CSNK1G1: variants seen among roughly 807,000 people sequenced by gnomAD.
The protein encoded by CSNK1G1 is casein kinase I isoform gamma-1.
In CSNK1G1, 22 loss-of-function variants were observed where a neutral mutation model predicts 59.6. The observed-to-expected ratio is 0.37, with a 90% CI of 0.26 to 0.53. CSNK1G1 has a LOEUF of 0.53. Ranked by LOEUF, CSNK1G1 falls within the 20% of genes least tolerant of loss-of-function variation. The pLI, the probability that CSNK1G1 is intolerant of heterozygous loss-of-function variation, is 0.89. For missense variants in CSNK1G1, 384 were observed against 519.5 expected (o/e 0.74, Z 2.54); for synonymous variants, 179 against 177.1 (o/e 1.01, Z -0.08).
At chr15:64,295,979 T>C (rs574415027) in intron 2 of CSNK1G1, among the ~76,000 whole-genome samples, 1 of 152,354 alleles carries the variant, frequency 6.6e-6, no homozygotes, top group East Asian at 1.9e-4. Context: ...TGCTGGGCAC[T>C]TGCACAGTAT....
rs1490790282 is a variant in CSNK1G1 at position 64,214,220 on chromosome 15, G to T, written c.445-96C>A. On this transcript the variant is annotated intron_variant, in intron 5 of 11. Transcript: ENST00000303052. The surrounding 1 kb of genome is among the most constrained non-coding windows in gnomAD (Gnocchi z 4.3). ...TAGCCAGACCAAGGTTTTAATTATT[G>T]AAATAACAGTAAAATTCATCTCCTT... 1.7e-5 allele frequency: 15 copies of T among 882,260 alleles called. No homozygotes were observed. The highest frequency in any genetic ancestry group is 2.7e-5 in the Non-Finnish European group (15 of 545,908). The allele number at this position is 882,260 out of a possible 1,614,324, so 54.7% of individuals were successfully genotyped here.
chr15:64,283,436 G>A (rs146996788), intron 2 of CSNK1G1, among the ~76,000 whole-genome samples: 122 of 151,662 alleles, frequency 8.0e-4, no homozygotes, highest in Non-Finnish European at 1.1e-3. Flanking sequence ...TCTGCCTCCC[G>A]GGTTCATGCA....
intron 2 of CSNK1G1, among the ~76,000 whole-genome samples, chr15:64,290,106 T>C (rs1387497098): frequency 1.3e-5 from 2 of 152,172 alleles, no homozygotes; most frequent in Non-Finnish European, 2.9e-5. Context: ...TTATACACTG[T>C]TGGCGGGAAT....
intron 1 of CSNK1G1, among the ~76,000 whole-genome samples, chr15:64,318,054 A>G (rs962232859): frequency 6.6e-6 from 1 of 152,102 alleles, no homozygotes; most frequent in Non-Finnish European, 1.5e-5. Context: ...ACCTTATCCA[A>G]CTTAGGTGGG....
At chr15:64,277,804 A>C (rs1566930347) in intron 2 of CSNK1G1, among the ~76,000 whole-genome samples, 1 of 134,648 alleles carries the variant, frequency 7.4e-6, no homozygotes, top group East Asian at 2.1e-4. Flanking sequence ...GATATATTTA[A>C]TATATTAATA....
At chr15:64,204,712 C>A (rs1217367539) in intron 8 of CSNK1G1, 123 bp from the exon 9 acceptor site, 1 of 1,248,894 alleles carries the variant, frequency 8.0e-7, no homozygotes, top group South Asian at 1.3e-5. Flanking sequence ...GTTTTCTTTA[C>A]TGACAAAATA....
intron 1 of CSNK1G1, among the ~76,000 whole-genome samples, chr15:64,345,529 A>G (rs564624131): frequency 2.0e-5 from 3 of 152,320 alleles, no homozygotes; most frequent in Non-Finnish European, 4.4e-5. Flanking sequence ...GCCCCTTTAC[A>G]ACCTGAAACA....
chr15:64,312,640 G>A (rs1415035418), intron 1 of CSNK1G1, among the ~76,000 whole-genome samples: 2 of 152,070 alleles, frequency 1.3e-5, no homozygotes, highest in African/African-American at 4.8e-5. Flanking sequence ...AAGACCTAAA[G>A]CCATAAAAAT....
chr15:64,265,998 T>C (rs1383249154), intron 2 of CSNK1G1: 2 of 323,640 alleles, frequency 6.2e-6, no homozygotes, highest in African/African-American at 4.3e-5. Context: ...ATGGGAAGAA[T>C]GTTTGAGTCT....
intron 10 of CSNK1G1, among the ~76,000 whole-genome samples, chr15:64,192,678 G>T (rs954857931): frequency 1.3e-5 from 2 of 151,556 alleles, no homozygotes; most frequent in Non-Finnish European, 2.9e-5. Flanking sequence ...CGCCAACATG[G>T]TGAGACCCTG....
Position 64,259,259 on chromosome 15 carries a change from T to G in CSNK1G1, c.182-18A>C, listed in dbSNP as rs993296525. ...ATTTTTACCTAAGAGGAAAGCAGAA[T>G]GTATATGTTTTAGTGACATTTATTC... is the stretch of plus-strand genomic sequence containing the variant. On this transcript the variant is annotated intron_variant, in intron 2 of 11. Coordinates refer to ENST00000303052, the MANE Select transcript of CSNK1G1 (RefSeq NM_022048.5). The G allele has an allele frequency of 1.3e-6, 2 of 1,572,378 alleles. No homozygotes were observed. The highest frequency in any genetic ancestry group is 1.7e-6 in the Non-Finnish European group (2 of 1,152,758).
At chr15:64,308,591 T>C (rs1282865663) in intron 1 of CSNK1G1, among the ~76,000 whole-genome samples, 3 of 152,048 alleles carry the variant, frequency 2.0e-5, no homozygotes, top group Non-Finnish European at 2.9e-5. Flanking sequence ...TCTTCCGACT[T>C]CCTTTAGGAT....
chr15:64,213,313 C>G (rs926922834), intron 6 of CSNK1G1, among the ~76,000 whole-genome samples: 2 of 152,132 alleles, frequency 1.3e-5, no homozygotes, highest in Admixed American at 6.6e-5. Flanking sequence ...ATACTCTCCC[C>G]CTTGGGCTAG....
In CSNK1G1 at chr15:64,224,726, C is replaced by A. The variant is rs573468257; in HGVS notation, c.293-8013G>T. ...ATCTTGTTTAAAGGCCTCCTGGGAACTGGAATACTGCCAAACATAGGCTGC... is the reference window on the plus strand; with the variant it reads ...ATCTTGTTTAAAGGCCTCCTGGGAAATGGAATACTGCCAAACATAGGCTGC... On this transcript the variant is annotated intron_variant, in intron 4 of 11. Transcript: ENST00000303052. Among the ~76,000 whole-genome samples, 57 of 152,282 alleles carry A rather than the reference C, an allele frequency of 3.7e-4. 1 individual carries two copies. The highest frequency in any genetic ancestry group is 3.0e-3 in the Admixed American group (46 of 15,288).
At chr15:64,346,630 G>A (rs1057395195) in intron 1 of CSNK1G1, among the ~76,000 whole-genome samples, 2 of 151,612 alleles carry the variant, frequency 1.3e-5, no homozygotes, top group African/African-American at 4.8e-5. Context: ...GCTAATTTTT[G>A]TATTTTTAGT....
intron 1 of CSNK1G1, among the ~76,000 whole-genome samples, chr15:64,349,686 T>A (rs974603970): frequency 1.3e-5 from 2 of 152,336 alleles, no homozygotes; most frequent in Middle Eastern, 3.4e-3. Context: ...CTGAGATGAC[T>A]GAGTCTTTCT....
intron 2 of CSNK1G1, among the ~76,000 whole-genome samples, chr15:64,259,522 A>ACACACG (rs1303487975): frequency 6.7e-6 from 1 of 150,076 alleles, no homozygotes; most frequent in Non-Finnish European, 1.5e-5. Context: ...ACACACACAC[A>ACACACG]CATGCATGCA....
At chr15:64,311,190 C>A (rs1895977352) in intron 1 of CSNK1G1, among the ~76,000 whole-genome samples, 1 of 151,760 alleles carries the variant, frequency 6.6e-6, no homozygotes, top group Admixed American at 6.6e-5. Flanking sequence ...GGATTACAGG[C>A]ATGCACCACC....
chr15:64,308,738 T>C (rs1240089990), intron 1 of CSNK1G1, among the ~76,000 whole-genome samples: 2 of 151,810 alleles, frequency 1.3e-5, no homozygotes, highest in East Asian at 3.9e-4. Context: ...CTACTAAAAA[T>C]ACAAAAAAAT....
Sources: gnomAD v4.1 joint callset for allele counts (sites outside exome capture counted in the v4.1 genomes callset) on GRCh38, gnomAD v4.1.1 for gene constraint, Gnocchi (gnomAD v3.1) non-coding constraint, MANE v1.5 for transcripts, NCBI Gene and HGNC (gene_info 2026-07-23, HGNC 2026-07-21) for gene names.